FLNB: variants seen among roughly 807,000 people sequenced by gnomAD.
FLNB encodes filamin B.
A neutral mutation model predicts 250.6 loss-of-function variants in FLNB; 111 were observed. The ratio of observed to expected loss-of-function variants is 0.44; its 90% CI spans 0.38 to 0.52. The LOEUF is 0.52. FLNB is among the 20% of genes least tolerant of loss of function. FLNB has a pLI of 0.00. For missense variants in FLNB, 2,869 were observed against 3,447.8 expected, an observed-to-expected ratio of 0.83 and a Z score of 4.20; for synonymous variants, 1,302 against 1,372.1, an observed-to-expected ratio of 0.95 and a Z score of 1.13.
At chr3:58,119,033 C>T in intron 19 of FLNB, 44 bp downstream of exon 19, 3 of 1,347,770 alleles carry the variant, frequency 2.2e-6, no homozygotes, top group Non-Finnish European at 2.1e-6. Flanking sequence ...GATGACCCCC[C>T]AACGTGGCTG....
chr3:58,134,297 G>A (rs986560187), intron 26 of FLNB, among the ~76,000 whole-genome samples: 1 of 152,184 alleles, frequency 6.6e-6, no homozygotes, highest in Non-Finnish European at 1.5e-5. Flanking sequence ...AGTGCCTGAT[G>A]ATCTGAGGTG....
At position 58,124,402 on chromosome 3, in the gene FLNB, C is replaced by T. The variant is rs2097294208; in HGVS notation, c.3795C>T (p.His1265=). Residue 1265 remains histidine (H), a synonymous_variant, in exon 22 of 46, where the codon CAC becomes CAT. Coordinates refer to ENST00000295956, the MANE Select transcript of FLNB (RefSeq NM_001457.4). ...SRPLTQVGGD[H]IKAHIANPSG... is the part of the protein sequence containing the mutation. ...CGCTGACCCAGGTTGGGGGTGACCA[C>T]ATCAAGGCCCACATTGCCAACCCCT... is the stretch of plus-strand genomic sequence containing the variant. The T allele has an allele frequency of 6.2e-7, 1 of 1,614,122 alleles. No homozygotes were observed. The highest frequency in any genetic ancestry group is 1.3e-5 in the African/African-American group (1 of 74,956).
At chr3:58,024,898 G>A (rs1405848397) in intron 1 of FLNB, among the ~76,000 whole-genome samples, 1 of 150,210 alleles carries the variant, frequency 6.7e-6, no homozygotes, top group African/African-American at 2.4e-5. Context: ...TTTTTAGTAG[G>A]GACGGGGTTT....
chr3:58,125,631 C>T lies in FLNB; in HGVS notation c.3949C>T (p.Pro1317Ser). The stretch of plus-strand genomic sequence containing the variant: ...TGATGACGTGCCTATCCCAAACAGT[C>T]CCTTCAAGGTGGCTGTCACTGAAGG... ...TYDDVPIPNS[P>S]FKVAVTEGCQ... The change falls in exon 23 of 46, where the codon CCC (proline) becomes TCC (serine). Residue 1317 changes from proline to serine, a missense_variant. Transcript: ENST00000295956. The T allele has an allele frequency of 6.2e-7, 1 of 1,614,176 alleles. No homozygotes were observed. Among genetic ancestry groups the T allele is most frequent in the Non-Finnish European group, 8.5e-7 (1 of 1,180,030 alleles).
At chr3:58,150,278 G>A (rs776468324) in intron 38 of FLNB, 51 bp downstream of exon 38, 1 of 1,612,140 alleles carries the variant, frequency 6.2e-7, no homozygotes, top group African/African-American at 1.3e-5. Context: ...CAGCCTTCAG[G>A]GCAGTGGGTG....
At position 58,154,509 on chromosome 3, in the gene FLNB, C is replaced by G. The variant is rs71311841; in HGVS notation, c.6635-282C>G. On this transcript the variant is annotated intron_variant, in intron 39 of 45. Coordinates refer to ENST00000295956, the MANE Select transcript of FLNB (RefSeq NM_001457.4). ...GCAGTGAGCTGAGATTGCACCACTGCACTCCAGCCTGGGCAGCAGAGCAAG... is the reference window on the plus strand; with the variant it reads ...GCAGTGAGCTGAGATTGCACCACTGGACTCCAGCCTGGGCAGCAGAGCAAG... 35,833 of 374,250 alleles carry G rather than the reference C, an allele frequency of 0.096. 2,091 individuals carry two copies. Among genetic ancestry groups the G allele is most frequent in the African/African-American group, 0.12 (5,678 of 47,084 alleles). 23.2% of individuals were successfully genotyped at this position (374,250 alleles called of 1,614,324 possible).
chr3:58,057,468 T>C (rs1436099269), intron 1 of FLNB, among the ~76,000 whole-genome samples: 1 of 152,234 alleles, frequency 6.6e-6, no homozygotes, highest in Non-Finnish European at 1.5e-5. Context: ...CTGAAGGGTA[T>C]GAGGTTACCC....
Position 58,096,153 on chromosome 3 carries a change from CCT to C in FLNB, c.920_921del (p.Pro307ArgfsTer3), listed in dbSNP as rs2097238179. The C allele has an allele frequency of 6.2e-7, 1 of 1,613,694 alleles. No individual in the cohort carries two copies. Among genetic ancestry groups the C allele is most frequent in the African/African-American group, 1.3e-5 (1 of 74,914 alleles). ...CCTTCCCTCCTAGGCACAAGTGACC[CCT>C]GACAGTGACAAGAACAAGACATACT... Reference protein sequence around the residue: ...EGNKEEAQVTPDSDKNKTYSV... With the variant: ...EGNKEEAQVTXDSDKNKTYSV... On this transcript the variant is annotated frameshift_variant, in exon 6 of 46. Transcript: ENST00000295956. LOFTEE classifies it high-confidence loss of function.
chr3:58,093,707 A>G (rs942196843), intron 4 of FLNB, among the ~76,000 whole-genome samples: 1 of 152,134 alleles, frequency 6.6e-6, no homozygotes, highest in African/African-American at 2.4e-5. Context: ...AGAGACAACT[A>G]GAAACAACCC....
At chr3:58,138,605 T>C in intron 29 of FLNB, 76 bp downstream of exon 29, 2 of 1,572,530 alleles carry the variant, frequency 1.3e-6, no homozygotes, top group Non-Finnish European at 1.7e-6. Flanking sequence ...GAACCCTGAC[T>C]AGGATATCCT....
chr3:58,130,243 C>T (rs2097304782), intron 24 of FLNB, among the ~76,000 whole-genome samples: 1 of 152,168 alleles, frequency 6.6e-6, no homozygotes, highest in Admixed American at 6.5e-5. Context: ...CACTTGGCTT[C>T]CTCCTTCAGT....
chr3:58,114,206 A>G (rs1402807419), intron 18 of FLNB, among the ~76,000 whole-genome samples: 3 of 152,074 alleles, frequency 2.0e-5, no homozygotes, highest in South Asian at 2.1e-4. Context: ...CCTGGGTTCA[A>G]GTGATTGTCC....
chr3:58,104,999 T>C (rs1373143036), intron 10 of FLNB, 81 bp from the exon 11 acceptor site: 1 of 1,581,910 alleles, frequency 6.3e-7, no homozygotes, highest in Non-Finnish European at 8.7e-7. Flanking sequence ...GGAAAGAATG[T>C]GCAAAGGAAC....
rs914779555 is a variant in FLNB, at chr3:58,142,891, G to A, written c.5284+139G>A. 9.7e-6 allele frequency: 7 copies of A among 722,282 alleles called. No homozygotes were observed. In the South Asian group the frequency reaches 1.1e-4, roughly 11 times the overall value. 44.7% of individuals were successfully genotyped at this position (722,282 alleles called of 1,614,324 possible). ...TCACGAGTTCTTGGTCTCCGGTGTT[G>A]GGCCGTGGGCTCCTGAAACTACAGA... is the stretch of plus-strand genomic sequence containing the variant. On this transcript the variant is annotated intron_variant, in intron 31 of 45. Transcript: ENST00000295956. This position sits in a 1 kb window ranked among gnomAD's most constrained non-coding sequence, Gnocchi z 4.3.
At chr3:58,125,814 T>G (rs1439414015) in intron 23 of FLNB, 71 bp downstream of exon 23, 17 of 1,421,476 alleles carry the variant, frequency 1.2e-5, no homozygotes, top group Non-Finnish European at 1.7e-5. Context: ...GTGTCATGGT[T>G]TCCTAACTTT....
chr3:58,070,321 G>A (rs953754393), intron 1 of FLNB, among the ~76,000 whole-genome samples: 3 of 152,144 alleles, frequency 2.0e-5, no homozygotes, highest in African/African-American at 7.2e-5. Context: ...CAGGATTACA[G>A]GCGTGAGCCA....
intron 42 of FLNB, among the ~76,000 whole-genome samples, chr3:58,160,417 G>A (rs1253289386): frequency 6.6e-6 from 1 of 152,208 alleles, no homozygotes; most frequent in East Asian, 1.9e-4. Context: ...AAACTTGAAG[G>A]AAGGTATAAG....
chr3:58,024,728 T>C (rs1158955392), intron 1 of FLNB, among the ~76,000 whole-genome samples: 1 of 96,064 alleles, frequency 1.0e-5, no homozygotes, highest in South Asian at 3.2e-4. Context: ...TTTTTTTTTT[T>C]AACCTTGAGA....
chr3:58,030,391 T>A (rs1451648997), intron 1 of FLNB, among the ~76,000 whole-genome samples: 2 of 152,126 alleles, frequency 1.3e-5, no homozygotes, highest in Non-Finnish European at 2.9e-5. Context: ...AGAACCCAAG[T>A]TTTTTGGGTC....
Sources: allele counts gnomAD v4.1 joint callset (sites outside exome capture counted in the v4.1 genomes callset), GRCh38; gene constraint gnomAD v4.1.1; non-coding constraint Gnocchi (gnomAD v3.1); transcripts MANE v1.5; gene names NCBI Gene and HGNC (gene_info 2026-07-23, HGNC 2026-07-21).